Variants in ADHFE1 observed in about 807,000 individuals in gnomAD.
ADHFE1 encodes hydroxyacid-oxoacid transhydrogenase, mitochondrial.
In ADHFE1, 37 loss-of-function variants were observed where a neutral mutation model predicts 54.8. That is an observed-to-expected ratio of 0.68 (90% CI 0.52 to 0.89). The LOEUF (loss-of-function observed/expected upper bound fraction) is 0.89. Among genes scored for constraint, ADHFE1 ranks in the 40% least tolerant of loss-of-function variants. The pLI is 0.00. For missense variants in ADHFE1, 601 were observed against 591.2 expected, an observed-to-expected ratio of 1.02 and a Z score of -0.17; for synonymous variants, 203 against 229.3, an observed-to-expected ratio of 0.89 and a Z score of 1.04.
intron 5 of ADHFE1, 101 bp from the exon 6 acceptor site, chr8:66,445,117 C>CA (rs755860044): frequency 5.8e-4 from 679 of 1,160,898 alleles, no homozygotes; most frequent in Non-Finnish European, 6.8e-4. Context: ...AAAACAAAAA[C>CA]AAAAAAAACC....
intron 10 of ADHFE1, among the ~76,000 whole-genome samples, chr8:66,454,821 C>A (rs1397217765): frequency 6.6e-6 from 1 of 151,978 alleles, no homozygotes; most frequent in Non-Finnish European, 1.5e-5. Context: ...TCAAGCAATT[C>A]TCCTGCCTCA....
rs1805620637 is a variant in ADHFE1 at position 66,439,205 on chromosome 8, C to T, written c.60-957C>T. 1.0e-6 allele frequency: 1 copy of T among 985,392 alleles called. No homozygotes were observed. The highest frequency in any genetic ancestry group is 6.1e-5 in the Admixed American group (1 of 16,272). The allele number at this position is 985,392 out of a possible 1,614,324, so 61.0% of individuals were successfully genotyped here. A position where few individuals can be genotyped will look rare whatever the true frequency, so the allele number is the denominator to read the frequency against. ...GAGATCAACCCTTTTCCTTCCTCCCCAACCTTCCCCCTCGGGTGTTTTAAT... is the reference window on the plus strand; with the variant it reads ...GAGATCAACCCTTTTCCTTCCTCCCTAACCTTCCCCCTCGGGTGTTTTAAT... On this transcript the variant is annotated intron_variant, in intron 1 of 13. Coordinates refer to ENST00000396623, the MANE Select transcript of ADHFE1 (RefSeq NM_144650.3). This position sits in a 1 kb window ranked among gnomAD's most constrained non-coding sequence, Gnocchi z 4.4.
At chr8:66,456,334 G>A (rs181089895) in intron 10 of ADHFE1, among the ~76,000 whole-genome samples, 37 of 152,306 alleles carry the variant, frequency 2.4e-4, no homozygotes, top group Non-Finnish European at 4.0e-4. Context: ...GAAGGGATCT[G>A]TCAGTTACTG....
At chr8:66,465,060 A>G (rs1219478580) in intron 13 of ADHFE1, among the ~76,000 whole-genome samples, 3 of 152,130 alleles carry the variant, frequency 2.0e-5, no homozygotes, top group Non-Finnish European at 4.4e-5. Flanking sequence ...TTCCTTTTTT[A>G]TAGCTGAATA....
At chr8:66,464,919 T>G (rs2130495460) in intron 13 of ADHFE1, among the ~76,000 whole-genome samples, 1 of 152,336 alleles carries the variant, frequency 6.6e-6, no homozygotes, top group Admixed American at 6.5e-5. Context: ...TTTCTGTCTC[T>G]ATGAATTTGC....
chr8:66,432,845 C>T (rs1805274056), intron 1 of ADHFE1: 2 of 1,219,416 alleles, frequency 1.6e-6, no homozygotes, highest in Non-Finnish European at 2.0e-6. Flanking sequence ...GGTCCCACAT[C>T]GTAGCAGGCA....
chr8:66,448,892 C>T lies in ADHFE1; in HGVS notation c.656C>T (p.Thr219Ile). ...IGITSRAIKP[T>I]LGLIDPLHTL... is the part of the protein sequence containing the mutation. ...ATCACTTCGAGAGCCATCAAACCCA[C>T]ACTGGGACTGATTGATCCTCTGCAC... The change falls in exon 8 of 14, where the codon ACA becomes ATA. Residue 219 changes from threonine (T) to isoleucine (I), a missense_variant. Transcript: ENST00000396623. 1.2e-6 allele frequency: 2 copies of T among 1,614,192 alleles called. No individual in the cohort carries two copies. The highest frequency in any genetic ancestry group is 1.3e-5 in the African/African-American group (1 of 75,046).
At position 66,432,516 on chromosome 8, in the gene ADHFE1, C is replaced by A; in HGVS notation, c.-1C>A. The A allele has an allele frequency of 7.3e-7, 1 of 1,372,810 alleles. No individual in the cohort carries two copies. Among genetic ancestry groups the A allele is most frequent in the South Asian group, 1.7e-5 (1 of 57,706 alleles). The allele number at this position is 1,372,810 out of a possible 1,614,324, so 85.0% of individuals were successfully genotyped here. ...GAGGAGGGAAGAGGACTCCAAGCGC[C>A]ATGGCCGCTGCCGCCCGAGCCCGGG... On this transcript the variant is annotated 5_prime_UTR_variant, in exon 1 of 14. Coordinates refer to ENST00000396623, the MANE Select transcript of ADHFE1 (RefSeq NM_144650.3).
Position 66,453,820 on chromosome 8 carries a change from A to G in ADHFE1, c.888-239A>G, listed in dbSNP as rs143392816. On this transcript the variant is annotated intron_variant, in intron 9 of 13. Transcript: ENST00000396623. ...GCGTTGCCTCCCCCGGCGCTTTTACATCACATGAGCAGCTGACAGCGTATT... is the reference window on the plus strand; with the variant it reads ...GCGTTGCCTCCCCCGGCGCTTTTACGTCACATGAGCAGCTGACAGCGTATT... 2.6e-4 allele frequency: 378 copies of G among 1,471,264 alleles called. 3 individuals carry two copies. In the East Asian group the frequency reaches 0.012, roughly 45 times the overall value. The allele number at this position is 1,471,264 out of a possible 1,614,324, so 91.1% of individuals were successfully genotyped here.
chr8:66,452,131 A>G, intron 9 of ADHFE1, 26 bp downstream of exon 9: 1 of 1,611,620 alleles, frequency 6.2e-7, no homozygotes, highest in African/African-American at 1.3e-5. Context: ...GGGGATAGAA[A>G]TAGAACAGGA....
chr8:66,453,681 C>T, intron 9 of ADHFE1: 1 of 1,367,000 alleles, frequency 7.3e-7, no homozygotes, highest in Non-Finnish European at 9.8e-7. Flanking sequence ...TAGCCCCGGG[C>T]ATCTGAGAAT....
intron 8 of ADHFE1, among the ~76,000 whole-genome samples, chr8:66,450,964 G>A (rs929771635): frequency 5.3e-5 from 8 of 152,188 alleles, no homozygotes; most frequent in Non-Finnish European, 8.8e-5. Flanking sequence ...TAGGGAAAAC[G>A]AAAACTGTAA....
rs1242919949 is a variant in ADHFE1 at position 66,460,337 on chromosome 8, G to T, written c.1192G>T (p.Asp398Tyr). 2 of 1,614,084 alleles carry T rather than the reference G, an allele frequency of 1.2e-6. No homozygotes were observed. Among genetic ancestry groups the T allele is most frequent in the African/African-American group, 2.7e-5 (2 of 74,942 alleles). The change falls in exon 13 of 14, where the codon GAT (aspartate) becomes TAT (tyrosine). Residue 398 changes from aspartate to tyrosine, a missense_variant. Transcript: ENST00000396623. ...GADTRTARIQ[D>Y]AGLVLADTLR... ...CGACACCCGCACTGCCAGGATCCAA[G>T]ATGCAGGGCTGGTGTTGGCAGACAC...
Position 66,445,126 on chromosome 8 carries a change from C to A in ADHFE1, c.354-92C>A, listed in dbSNP as rs547498970. On this transcript the variant is annotated intron_variant, in intron 5 of 13. Coordinates refer to ENST00000396623, the MANE Select transcript of ADHFE1 (RefSeq NM_144650.3). ...AAAAAAAAAACAAAAACAAAAAAAA[C>A]CCCACAAAACTTACCCCAAGCCTTA... 3.9e-3 allele frequency: 4,833 copies of A among 1,226,864 alleles called. 20 individuals are homozygous for A. Among genetic ancestry groups the A allele is most frequent in the African/African-American group, 0.018 (1,187 of 64,932 alleles). 76.0% of individuals were successfully genotyped at this position (1,226,864 alleles called of 1,614,324 possible).
intron 3 of ADHFE1, 51 bp from the exon 4 acceptor site, chr8:66,444,316 C>T (rs774173812): frequency 6.4e-7 from 1 of 1,562,832 alleles, no homozygotes; most frequent in Non-Finnish European, 8.8e-7. Flanking sequence ...TAGAAATGGA[C>T]TGGCCAACTC....
chr8:66,442,700 C>A, intron 2 of ADHFE1, 98 bp from the exon 3 acceptor site: 2 of 1,081,684 alleles, frequency 1.8e-6, no homozygotes, highest in Non-Finnish European at 2.7e-6. Flanking sequence ...GGTAAGACTT[C>A]AAAGGAAATA....
chr8:66,459,413 TA>T, intron 12 of ADHFE1: 1 of 98,848 alleles, frequency 1.0e-5, no homozygotes, highest in African/African-American at 4.2e-5. Flanking sequence ...ATTTTTATTA[TA>T]TATATATATA....
chr8:66,442,761 T>TA (rs980279910), intron 2 of ADHFE1, 37 bp from the exon 3 acceptor site: 1 of 1,574,642 alleles, frequency 6.4e-7, no homozygotes, highest in African/African-American at 1.4e-5. Context: ...TGCTTTTTTT[T>TA]AAAGACCCAC....
In ADHFE1 at chr8:66,466,507, T is replaced by A. The variant is rs185930811; in HGVS notation, c.1321-1762T>A. On this transcript the variant is annotated intron_variant, in intron 13 of 13. Coordinates refer to ENST00000396623, the MANE Select transcript of ADHFE1 (RefSeq NM_144650.3). ...AGGTTTTTGATGCATTTTGAGCGAATTTTTTTAATACATCCATCCTTCTTT... is the reference window on the plus strand; with the variant it reads ...AGGTTTTTGATGCATTTTGAGCGAAATTTTTTAATACATCCATCCTTCTTT... 8.4e-3 allele frequency among the ~76,000 whole-genome samples: 1,275 copies of A among 151,532 alleles called. 18 individuals are homozygous for A. The highest frequency in any genetic ancestry group is 0.03 in the African/African-American group (1,223 of 41,158).
Sources: allele counts gnomAD v4.1 joint callset (sites outside exome capture counted in the v4.1 genomes callset), GRCh38; gene constraint gnomAD v4.1.1; non-coding constraint Gnocchi (gnomAD v3.1); transcripts MANE v1.5; gene names NCBI Gene and HGNC (gene_info 2026-07-23, HGNC 2026-07-21).